The following SKAP1 variants were observed in gnomAD, a reference collection of about 807,000 sequenced individuals.
The protein encoded by SKAP1 is src kinase associated phosphoprotein 1.
A neutral mutation model predicts 58.5 loss-of-function variants in SKAP1; 44 were observed. That is an observed-to-expected ratio of 0.75 (90% CI 0.59 to 0.97). The LOEUF is 0.97. Among genes scored for constraint, SKAP1 ranks in the 50% least tolerant of loss-of-function variants. The pLI, the probability that SKAP1 is intolerant of heterozygous loss-of-function variation, is 0.00. For missense variants in SKAP1, 390 were observed against 435.2 expected (o/e 0.90, Z 0.92); for synonymous variants, 127 against 149.7 (o/e 0.85, Z 1.11).
chr17:48,371,853 GA>G (rs969327048), intron 2 of SKAP1, among the ~76,000 whole-genome samples: 1 of 147,742 alleles, frequency 6.8e-6, no homozygotes, highest in Non-Finnish European at 1.5e-5. Flanking sequence ...AAAAAGAAAA[GA>G]AAAAGAAAAA....
At chr17:48,442,307 G>A in the SKAP1 span, among the ~76,000 whole-genome samples, 2 of 152,274 alleles carry the variant, frequency 1.3e-5, no homozygotes, top group East Asian at 1.9e-4. Context: ...GGTTATTTCT[G>A]GAAGAAATGG....
In SKAP1 at chr17:48,225,481, C is replaced by G. The variant is rs553500974; in HGVS notation, c.281-35981G>C. Reference sequence around the variant, plus strand: ...GAAATACTGTGTGTGAAATGATTTGCACTCTTTGGGAGAAAAGGATCTTAT... The same window carrying G: ...GAAATACTGTGTGTGAAATGATTTGGACTCTTTGGGAGAAAAGGATCTTAT... On this transcript the variant is annotated intron_variant, in intron 4 of 12. Transcript: ENST00000336915. Among the ~76,000 whole-genome samples, 8 of 152,244 alleles carry G rather than the reference C, an allele frequency of 5.3e-5. No individual in the cohort carries two copies. In the South Asian group the frequency reaches 1.4e-3, roughly 28 times the overall value.
intron 11 of SKAP1, among the ~76,000 whole-genome samples, chr17:48,148,007 G>A (rs2063853335): frequency 2.0e-5 from 3 of 152,120 alleles, no homozygotes; most frequent in Non-Finnish European, 1.5e-5. Flanking sequence ...TCCACAAAGC[G>A]CACCCTGAGC....
intron 11 of SKAP1, among the ~76,000 whole-genome samples, chr17:48,140,190 T>C (rs1039758554): frequency 1.3e-5 from 2 of 152,176 alleles, no homozygotes; most frequent in African/African-American, 4.8e-5. Context: ...AGGCTCTCTC[T>C]CCATGGTCTC....
At chr17:48,218,247 T>A (rs2064963341) in intron 4 of SKAP1, among the ~76,000 whole-genome samples, 1 of 152,222 alleles carries the variant, frequency 6.6e-6, no homozygotes, top group Non-Finnish European at 1.5e-5. Flanking sequence ...GAAGACTAGC[T>A]GGCAGAGTTG....
intron 2 of SKAP1, among the ~76,000 whole-genome samples, chr17:48,384,840 A>G (rs2067256846): frequency 6.6e-6 from 1 of 152,162 alleles, no homozygotes. Flanking sequence ...GGTGCCTTGG[A>G]GGGAGAACTG....
intron 3 of SKAP1, among the ~76,000 whole-genome samples, chr17:48,360,701 G>A (rs1274468652): frequency 6.6e-6 from 1 of 151,982 alleles, no homozygotes; most frequent in Non-Finnish European, 1.5e-5. Flanking sequence ...TTAAAGTAAT[G>A]TATTCTTTGG....
At chr17:48,178,854 G>A (rs1462449716) in intron 9 of SKAP1, among the ~76,000 whole-genome samples, 1 of 152,188 alleles carries the variant, frequency 6.6e-6, no homozygotes, top group East Asian at 1.9e-4. Context: ...GGCTGGAGAA[G>A]TCGGGACTGG....
intron 4 of SKAP1, among the ~76,000 whole-genome samples, chr17:48,316,950 A>T (rs1028643857): frequency 6.6e-6 from 1 of 152,126 alleles, no homozygotes; most frequent in East Asian, 1.9e-4. Context: ...GTGGAAAAAA[A>T]TCCCAATCTG....
Position 48,173,291 on chromosome 17 carries a change from A to G in SKAP1, c.827-2632T>C, listed in dbSNP as rs117954562. On this transcript the variant is annotated intron_variant, in intron 9 of 12. Coordinates refer to ENST00000336915, the MANE Select transcript of SKAP1 (RefSeq NM_003726.4). The stretch of plus-strand genomic sequence containing the variant: ...CTTTGACTCAACAGTTCTTATAGCC[A>G]TGTATGATCTAGCAGCAGAGAATGT... 9.1e-4 allele frequency among the ~76,000 whole-genome samples: 139 copies of G among 152,286 alleles called. No homozygotes were observed. The East Asian group carries it at 0.024, about 27-fold the overall frequency.
intron 1 of SKAP1, among the ~76,000 whole-genome samples, chr17:48,405,883 C>T (rs752269764): frequency 2.0e-5 from 3 of 152,010 alleles, no homozygotes; most frequent in South Asian, 4.2e-4. Flanking sequence ...ATGGCTACTA[C>T]GATGATCAGT....
intron 4 of SKAP1, among the ~76,000 whole-genome samples, chr17:48,269,102 A>T (rs141515162): frequency 6.6e-4 from 101 of 152,226 alleles, no homozygotes; most frequent in African/African-American, 2.3e-3. Flanking sequence ...ATGATTTTGA[A>T]GAGAATAGTA....
At chr17:48,412,919 G>A (rs2067682482) in intron 1 of SKAP1, among the ~76,000 whole-genome samples, 2 of 151,802 alleles carry the variant, frequency 1.3e-5, no homozygotes, top group Admixed American at 1.3e-4. Flanking sequence ...GTTAATTTAA[G>A]TACTTGTTTC....
intron 2 of SKAP1, among the ~76,000 whole-genome samples, chr17:48,367,712 G>A (rs1204125920): frequency 1.3e-5 from 2 of 151,826 alleles, no homozygotes; most frequent in East Asian, 3.9e-4. Context: ...AAGCCCAGGA[G>A]TTCAAGACCA....
intron 1 of SKAP1, among the ~76,000 whole-genome samples, chr17:48,401,819 C>G (rs77003509): frequency 0.025 from 3,746 of 151,956 alleles, 143 homozygotes; most frequent in African/African-American, 0.084. Context: ...AGAAGGCCAA[C>G]AAGAAAGCAA....
chr17:48,153,905 A>G (rs535245740), intron 11 of SKAP1, among the ~76,000 whole-genome samples: 56 of 152,120 alleles, frequency 3.7e-4, no homozygotes, highest in Non-Finnish European at 5.1e-4. Context: ...AAAAAAAAAA[A>G]AAAAAAGAAA....
intron 4 of SKAP1, among the ~76,000 whole-genome samples, chr17:48,200,804 C>T (rs1261987497): frequency 6.6e-6 from 1 of 152,216 alleles, no homozygotes; most frequent in Admixed American, 6.5e-5. Context: ...TAAAGAAAAG[C>T]TGCCAGTGGG....
At chr17:48,228,292 C>G (rs537249068) in intron 4 of SKAP1, among the ~76,000 whole-genome samples, 70 of 152,002 alleles carry the variant, frequency 4.6e-4, no homozygotes, top group Non-Finnish European at 7.8e-4. Context: ...TTTTTCACAC[C>G]GTGTATTTGT....
intron 11 of SKAP1, among the ~76,000 whole-genome samples, chr17:48,146,957 A>T (rs1415387834): frequency 1.3e-5 from 2 of 152,162 alleles, no homozygotes; most frequent in Admixed American, 1.3e-4. Flanking sequence ...CTGTGACTTC[A>T]GAGTTGTGGT....
Sources: gnomAD v4.1 joint callset for allele counts (sites outside exome capture counted in the v4.1 genomes callset) on GRCh38, gnomAD v4.1.1 for gene constraint, MANE v1.5 for transcripts, NCBI Gene and HGNC (gene_info 2026-07-23, HGNC 2026-07-21) for gene names.